Variants in ZNF112 observed in about 807,000 individuals in gnomAD.
ZNF112 encodes zinc finger protein 112.
A neutral mutation model predicts 77.7 loss-of-function variants in ZNF112; 37 were observed. That is an observed-to-expected ratio of 0.48 (90% CI 0.37 to 0.63). The LOEUF is 0.63. Among genes scored for constraint, ZNF112 ranks in the 20% least tolerant of loss-of-function variants. ZNF112 has a pLI of 0.00. For missense variants in ZNF112, 950 were observed against 1,077.4 expected, an observed-to-expected ratio of 0.88 and a Z score of 1.66; for synonymous variants, 333 against 363.6, an observed-to-expected ratio of 0.92 and a Z score of 0.96.
chr19:44,333,036 G>A (rs975990235), intron 3 of ZNF112, among the ~76,000 whole-genome samples: 1 of 152,134 alleles, frequency 6.6e-6, no homozygotes, highest in Non-Finnish European at 1.5e-5. Flanking sequence ...GAGAAACTAA[G>A]CATGACAAAA....
upstream of ZNF112, among the ~76,000 whole-genome samples, chr19:44,359,516 G>A (rs892351017): frequency 2.0e-5 from 3 of 151,518 alleles, no homozygotes; most frequent in African/African-American, 7.3e-5. Flanking sequence ...TAGAGATGGG[G>A]TTTCACCACA....
chr19:44,335,279 C>T (rs182531108), intron 3 of ZNF112, among the ~76,000 whole-genome samples: 5 of 152,312 alleles, frequency 3.3e-5, no homozygotes, highest in African/African-American at 1.2e-4. Flanking sequence ...GGGGCATTTA[C>T]CCAAAGGCTG....
Position 44,336,611 on chromosome 19 carries a change from C to T in ZNF112, c.220+12G>A. ...CTCCCTGGCTGCTGTGTTCCTGCAG[C>T]ACAGTTCTCACCTGAACATCCATCT... On this transcript the variant is annotated intron_variant, in intron 3 of 3. Transcript: ENST00000354340. The T allele has an allele frequency of 6.2e-7, 1 of 1,608,266 alleles. No homozygotes were observed. Among genetic ancestry groups the T allele is most frequent in the Non-Finnish European group, 8.5e-7 (1 of 1,174,666 alleles).
intron 1 of ZNF112, among the ~76,000 whole-genome samples, chr19:44,363,143 T>A (rs75315648): frequency 7.5e-6 from 1 of 133,162 alleles, no homozygotes; most frequent in Non-Finnish European, 1.6e-5. Flanking sequence ...CTAATTTTTT[T>A]TTTTTTTTGC....
At chr19:44,341,478 C>T (rs1374888615) in intron 1 of ZNF112, among the ~76,000 whole-genome samples, 1 of 152,088 alleles carries the variant, frequency 6.6e-6, no homozygotes, top group Non-Finnish European at 1.5e-5. Flanking sequence ...GGTGTTTTCC[C>T]AAAACAGACT....
upstream of ZNF112, among the ~76,000 whole-genome samples, chr19:44,357,665 C>A (rs1441668256): frequency 6.6e-6 from 1 of 152,054 alleles, no homozygotes; most frequent in Non-Finnish European, 1.5e-5. Flanking sequence ...TGATGAAATG[C>A]AAGTCATAAG....
At chr19:44,344,630 A>G (rs1473778031) in intron 1 of ZNF112, among the ~76,000 whole-genome samples, 2 of 152,206 alleles carry the variant, frequency 1.3e-5, no homozygotes, top group East Asian at 3.9e-4. Context: ...AAAGGGATAC[A>G]GTGCCCAGAT....
Position 44,327,653 on chromosome 19 carries a change from C to A in ZNF112, c.2504G>T (p.Gly835Val). The A allele has an allele frequency of 1.9e-6, 3 of 1,614,058 alleles. No homozygotes were observed. Among genetic ancestry groups the A allele is most frequent in the Non-Finnish European group, 1.7e-6 (2 of 1,179,976 alleles). Residue 835 changes from glycine (G) to valine (V), a missense_variant, in exon 4 of 4, where the codon GGC becomes GTC. Physicochemically the swap from Gly to Val is moderately radical, Grantham distance 109. Transcript: ENST00000354340. Reference sequence around the variant, plus strand: ...CTGAAGATTTGATCTCTGACTGAAGCCCTTTCCACATACCTCACATTTGTA... The same window carrying A: ...CTGAAGATTTGATCTCTGACTGAAGACCTTTCCACATACCTCACATTTGTA... ...KPYKCEVCGK[G>V]FSQRSNLQAH...
intron 1 of ZNF112, among the ~76,000 whole-genome samples, chr19:44,354,068 T>C (rs73938303): frequency 2.0e-5 from 3 of 152,160 alleles, no homozygotes; most frequent in Non-Finnish European, 2.9e-5. Context: ...ATAACAACTT[T>C]GATGAATGTC....
At chr19:44,341,083 C>A (rs1970481009) in intron 1 of ZNF112, 62 of 450,162 alleles carry the variant, frequency 1.4e-4, no homozygotes, top group South Asian at 9.9e-4. Flanking sequence ...AGTTTCCTAT[C>A]TTCTCATTTG....
chr19:44,363,057 C>T (rs1267786658), intron 1 of ZNF112, among the ~76,000 whole-genome samples: 1 of 152,136 alleles, frequency 6.6e-6, no homozygotes, highest in Non-Finnish European at 1.5e-5. Context: ...GCAGCCTTGA[C>T]CAACTGGGCT....
intron 1 of ZNF112, among the ~76,000 whole-genome samples, chr19:44,353,846 C>G (rs1970736086): frequency 6.6e-6 from 1 of 151,962 alleles, no homozygotes; most frequent in Non-Finnish European, 1.5e-5. Flanking sequence ...ACATACATTC[C>G]CCATATGATC....
intron 2 of ZNF112, among the ~76,000 whole-genome samples, chr19:44,339,150 G>C (rs1004053727): frequency 2.0e-4 from 31 of 152,312 alleles, no homozygotes; most frequent in Non-Finnish European, 4.0e-4. Context: ...TCTGTCCTGA[G>C]AACAGGTAAG....
At chr19:44,337,836 C>T (rs371728600) in intron 2 of ZNF112, among the ~76,000 whole-genome samples, 2 of 16,114 alleles carry the variant, frequency 1.2e-4, no homozygotes, top group African/African-American at 3.2e-4. Flanking sequence ...TATATACATA[C>T]ACATACACAC....
chr19:44,352,600 C>T (rs1281673317), intron 1 of ZNF112, among the ~76,000 whole-genome samples: 1 of 151,780 alleles, frequency 6.6e-6, no homozygotes, highest in Non-Finnish European at 1.5e-5. Context: ...GTGGAAAATC[C>T]CAAGGAATCT....
upstream of ZNF112, among the ~76,000 whole-genome samples, chr19:44,361,056 C>A (rs530813480): frequency 6.6e-5 from 10 of 152,260 alleles, no homozygotes; most frequent in African/African-American, 2.2e-4. Context: ...CATGATGACT[C>A]CCATAAATAT....
intron 3 of ZNF112, 68 bp from the exon 4 acceptor site, chr19:44,330,004 C>T (rs1970241023): frequency 5.6e-6 from 7 of 1,243,838 alleles, no homozygotes; most frequent in Non-Finnish European, 7.8e-6. Flanking sequence ...GAAGATTTTA[C>T]ACTTAGGTCA....
At chr19:44,360,187 T>C (rs1037738619), upstream of ZNF112, among the ~76,000 whole-genome samples, 1 of 146,732 alleles carries the variant, frequency 6.8e-6, no homozygotes, top group African/African-American at 2.5e-5. Context: ...ACCTGGGAGA[T>C]GGAGATTGCA....
chr19:44,361,858 G>A (rs2571070), intron 1 of ZNF112, among the ~76,000 whole-genome samples: 71,563 of 151,964 alleles, frequency 0.47, 19,705 homozygotes, highest in South Asian at 0.62. Context: ...CAAACAATAG[G>A]AGAAACTGGG....
Sources: gnomAD v4.1 joint callset for allele counts (sites outside exome capture counted in the v4.1 genomes callset) on GRCh38, gnomAD v4.1.1 for gene constraint, MANE v1.5 for transcripts, NCBI Gene and HGNC (gene_info 2026-07-23, HGNC 2026-07-21) for gene names.